The following SH3RF3 variants were observed in gnomAD, a reference collection of about 807,000 sequenced individuals.
The protein encoded by SH3RF3 is SH3 domain containing ring finger 3, also known as E3 ubiquitin-protein ligase SH3RF3.
In SH3RF3, 29 loss-of-function variants were observed where a neutral mutation model predicts 66.3. The ratio of observed to expected loss-of-function variants is 0.44; its 90% CI spans 0.33 to 0.60. The LOEUF (loss-of-function observed/expected upper bound fraction) is 0.60, where lower values mean the gene tolerates loss of function less well. SH3RF3 is among the 20% of genes least tolerant of loss of function. The pLI is 0.04. For synonymous variants in SH3RF3, 583 were observed against 532.0 expected, an observed-to-expected ratio of 1.10 and a Z score of -1.32; for missense variants, 1,194 against 1,190.9, an observed-to-expected ratio of 1.00 and a Z score of -0.04.
At position 109,270,757 on chromosome 2, in the gene SH3RF3, T is replaced by G. The variant is rs189058440; in HGVS notation, c.574-76917T>G. On this transcript the variant is annotated intron_variant, in intron 1 of 9. Coordinates refer to ENST00000309415, the MANE Select transcript of SH3RF3 (RefSeq NM_001099289.3). ...TACTCCTCTTATGTAGATTGACCTT[T>G]CTCTAGCTGGGGATGTTGGGCCAGG... Among the ~76,000 whole-genome samples the G allele has an allele frequency of 1.9e-4, 29 of 152,296 alleles. No individual in the cohort carries two copies. In the East Asian group the frequency reaches 5.4e-3, roughly 28 times the overall value.
chr2:109,346,481 G>A (rs1235201249), intron 1 of SH3RF3, among the ~76,000 whole-genome samples: 2 of 152,096 alleles, frequency 1.3e-5, no homozygotes, highest in African/African-American at 2.4e-5. Context: ...TAGGAAAATC[G>A]TTGGGTATTG....
chr2:109,435,218 TC>T (rs1253665464), intron 6 of SH3RF3, among the ~76,000 whole-genome samples: 1 of 152,120 alleles, frequency 6.6e-6, no homozygotes, highest in African/African-American at 2.4e-5. Context: ...AGGCCATGGG[TC>T]CCTCAGTCCA....
intron 1 of SH3RF3, among the ~76,000 whole-genome samples, chr2:109,258,003 CAT>C (rs10554095): frequency 0.45 from 68,364 of 151,506 alleles, 15,432 homozygotes; most frequent in African/African-American, 0.48. Flanking sequence ...TGTGCACACA[CAT>C]ACCCACATAC....
intron 4 of SH3RF3, among the ~76,000 whole-genome samples, chr2:109,415,010 G>A (rs760929150): frequency 1.3e-5 from 2 of 152,220 alleles, no homozygotes; most frequent in Non-Finnish European, 1.5e-5. Flanking sequence ...CCTCCCGAGA[G>A]GGAAGCAGAG....
intron 1 of SH3RF3, among the ~76,000 whole-genome samples, chr2:109,259,374 C>T (rs1340901230): frequency 6.6e-6 from 1 of 152,208 alleles, no homozygotes; most frequent in Non-Finnish European, 1.5e-5. Context: ...AGGCATCCTA[C>T]ATACCTGCAT....
At chr2:109,372,795 G>T (rs867845164) in intron 3 of SH3RF3, among the ~76,000 whole-genome samples, 8 of 152,134 alleles carry the variant, frequency 5.3e-5, no homozygotes, top group Middle Eastern at 3.2e-3. Context: ...TGTCCCCCCT[G>T]CCTGACACAC....
At chr2:109,333,013 G>A (rs1177139399) in intron 1 of SH3RF3, among the ~76,000 whole-genome samples, 1 of 152,224 alleles carries the variant, frequency 6.6e-6, no homozygotes, top group Non-Finnish European at 1.5e-5. Context: ...TCATGTATTC[G>A]TCTTCGGCAG....
rs114212891 is a variant in SH3RF3 at position 109,392,892 on chromosome 2, T to C, written c.946-5698T>C. Reference sequence around the variant, plus strand: ...CCTTTCTCCTTAAAGGCTCTTGGAATGTTCCACACACAACTCTTCAGGATG... The same window carrying C: ...CCTTTCTCCTTAAAGGCTCTTGGAACGTTCCACACACAACTCTTCAGGATG... On this transcript the variant is annotated intron_variant, in intron 3 of 9. Coordinates refer to ENST00000309415, the MANE Select transcript of SH3RF3 (RefSeq NM_001099289.3). Among the ~76,000 whole-genome samples the C allele has an allele frequency of 6.2e-3, 943 of 152,278 alleles. 10 individuals are homozygous for C. The highest frequency in any genetic ancestry group is 0.021 in the African/African-American group (886 of 41,560).
At chr2:109,291,521 G>T (rs1224726844) in intron 1 of SH3RF3, among the ~76,000 whole-genome samples, 6 of 152,238 alleles carry the variant, frequency 3.9e-5, no homozygotes, top group Non-Finnish European at 8.8e-5. Flanking sequence ...GAGCGCTTGT[G>T]AGATGCACAT....
chr2:109,219,214 A>G lies in SH3RF3; in HGVS notation c.573+89101A>G, dbSNP rs1679173194. Among the ~76,000 whole-genome samples the G allele has an allele frequency of 2.6e-5, 4 of 152,218 alleles. No homozygotes were observed. The South Asian group carries it at 8.3e-4, about 31-fold the overall frequency. On this transcript the variant is annotated intron_variant, in intron 1 of 9. Coordinates refer to ENST00000309415, the MANE Select transcript of SH3RF3 (RefSeq NM_001099289.3). ...GAGGATCCTGAACTTGGGAGCTTCC[A>G]TGAGAGAATGTATTTGAGTTGTTCT...
intron 4 of SH3RF3, among the ~76,000 whole-genome samples, chr2:109,417,271 C>T (rs1350588947): frequency 1.3e-5 from 2 of 152,160 alleles, no homozygotes; most frequent in African/African-American, 2.4e-5. Flanking sequence ...CGTACTTGCC[C>T]TCCAGCCCCC....
At chr2:109,199,598 G>GTTCC (rs1678605045) in intron 1 of SH3RF3, among the ~76,000 whole-genome samples, 5 of 228 alleles carry the variant, frequency 0.022, no homozygotes, top group Admixed American at 0.045. Context: ...GGAATGGAAT[G>GTTCC]GAATGGAATG....
chr2:109,266,032 G>A (rs1680482034), intron 1 of SH3RF3, among the ~76,000 whole-genome samples: 1 of 152,006 alleles, frequency 6.6e-6, no homozygotes, highest in South Asian at 2.1e-4. Context: ...GTATATATGT[G>A]TATTCGGTGT....
At chr2:109,414,859 T>C (rs770514532) in intron 4 of SH3RF3, among the ~76,000 whole-genome samples, 1 of 152,094 alleles carries the variant, frequency 6.6e-6, no homozygotes, top group Non-Finnish European at 1.5e-5. Flanking sequence ...ATCTTGTTGG[T>C]GGAGAAGGGA....
intron 8 of SH3RF3, among the ~76,000 whole-genome samples, chr2:109,481,644 G>A (rs1422345279): frequency 6.6e-6 from 1 of 152,112 alleles, no homozygotes; most frequent in Non-Finnish European, 1.5e-5. Context: ...AAACCAAAGC[G>A]GCCAAGGGGC....
At chr2:109,203,897 T>G (rs796771683) in intron 1 of SH3RF3, among the ~76,000 whole-genome samples, 1 of 152,324 alleles carries the variant, frequency 6.6e-6, no homozygotes, top group African/African-American at 2.4e-5. Context: ...CTGGCAGCCC[T>G]TGATGGCAGG....
At chr2:109,494,489 G>A (rs550160593) in intron 9 of SH3RF3, among the ~76,000 whole-genome samples, 1 of 134,896 alleles carries the variant, frequency 7.4e-6, no homozygotes, top group African/African-American at 2.6e-5. Context: ...CTGACTCCTC[G>A]GGCTGGGACA....
chr2:109,213,875 C>T (rs1238687039), intron 1 of SH3RF3, among the ~76,000 whole-genome samples: 1 of 152,182 alleles, frequency 6.6e-6, no homozygotes, highest in Non-Finnish European at 1.5e-5. Flanking sequence ...TGAAGTAACC[C>T]AAGCCCATGA....
At chr2:109,469,775 A>C (rs116553935) in intron 8 of SH3RF3, among the ~76,000 whole-genome samples, 1,896 of 152,354 alleles carry the variant, frequency 0.012, 40 homozygotes, top group African/African-American at 0.043. Flanking sequence ...AGATCTCATG[A>C]AGAAAAGCCA....
Sources: gnomAD v4.1 joint callset for allele counts (sites outside exome capture counted in the v4.1 genomes callset) on GRCh38, gnomAD v4.1.1 for gene constraint, MANE v1.5 for transcripts, NCBI Gene and HGNC (gene_info 2026-07-23, HGNC 2026-07-21) for gene names.